The following RNF128 variants were observed in gnomAD, a reference collection of about 807,000 sequenced individuals.
The protein encoded by RNF128 is ring finger protein 128.
Under a neutral mutation model 26.2 loss-of-function variants are expected in RNF128, and 13 were observed. The ratio of observed to expected loss-of-function variants is 0.50; its 90% confidence interval spans 0.32 to 0.79. The LOEUF is 0.79. RNF128 is among the 30% of genes least tolerant of loss of function. The probability of loss-of-function intolerance (pLI) is 0.03; values close to 1 mark genes in which losing one functional copy is unlikely to be tolerated. For missense variants in RNF128, 315 were observed against 349.7 expected (o/e 0.90, Z 0.79); for synonymous variants, 149 against 142.5 (o/e 1.05, Z -0.32).
intron 1 of RNF128, among the ~76,000 whole-genome samples, chrX:106,707,547 A>C (rs989619641): frequency 9.0e-6 from 1 of 110,771 alleles, no homozygotes; most frequent in Non-Finnish European, 1.9e-5. Flanking sequence ...TTATTTTTTA[A>C]ATTTTCTTTT....
intron 1 of RNF128, among the ~76,000 whole-genome samples, chrX:106,712,882 CTTT>C (rs770554444): frequency 1.1e-5 from 1 of 95,142 alleles, no homozygotes. Flanking sequence ...GATAAAGTTA[CTTT>C]TTTTTTTTTT....
chrX:106,738,160 A>G (rs977432581), intron 1 of RNF128, among the ~76,000 whole-genome samples: 1 of 111,891 alleles, frequency 8.9e-6, no homozygotes, highest in African/African-American at 3.2e-5. Flanking sequence ...TCCTTGAGTC[A>G]GACAGCTTGA....
chrX:106,728,130 A>G (rs1159307210), intron 1 of RNF128, among the ~76,000 whole-genome samples: 4 of 111,929 alleles, frequency 3.6e-5, no homozygotes, highest in Non-Finnish European at 7.5e-5. Context: ...TGGAGATGGT[A>G]TGAGGTTACT....
intron 1 of RNF128, among the ~76,000 whole-genome samples, chrX:106,717,365 C>CT (rs1439734707): frequency 9.0e-6 from 1 of 111,426 alleles, no homozygotes; most frequent in Non-Finnish European, 1.9e-5. Flanking sequence ...TTACAATAAT[C>CT]TAAAAAAAAT....
At chrX:106,721,022 C>T (rs1929301578) in intron 1 of RNF128, among the ~76,000 whole-genome samples, 1 of 111,834 alleles carries the variant, frequency 8.9e-6, no homozygotes, top group African/African-American at 3.3e-5. Context: ...AAAAGAATCC[C>T]TGTTTCCTAA....
intron 2 of RNF128, among the ~76,000 whole-genome samples, chrX:106,783,549 C>A (rs1930600444): frequency 9.0e-6 from 1 of 111,116 alleles, no homozygotes; most frequent in Non-Finnish European, 1.9e-5. Context: ...GGTCTGGGGG[C>A]CTACTTTTTG....
Position 106,788,417 on chromosome X carries a change from TA to T in RNF128, c.887+419del, listed in dbSNP as rs1930717925. 1.0e-4 allele frequency among the ~76,000 whole-genome samples: 5 copies of T among 47,846 alleles called. No individual in the cohort carries two copies. In the Admixed American group the frequency reaches 1.6e-3, roughly 16 times the overall value. The allele number at this position is 47,846 out of a possible 115,157, so 41.5% of individuals were successfully genotyped here. On this transcript the variant is annotated intron_variant, in intron 4 of 6. Coordinates refer to ENST00000255499, the MANE Select transcript of RNF128 (RefSeq NM_194463.2). ...TATATTATATATAATATATAATATATAATATATATTATATATAATATTATTA... is the reference window on the plus strand; with the variant it reads ...TATATTATATATAATATATAATATATATATATATTATATATAATATTATTA...
intron 1 of RNF128, among the ~76,000 whole-genome samples, chrX:106,748,287 G>A (rs1032257793): frequency 8.9e-6 from 1 of 112,138 alleles, no homozygotes; most frequent in Non-Finnish European, 1.9e-5. Context: ...TTTACAGACT[G>A]TGGTAAAACT....
At chrX:106,787,756 A>G (rs1403450963) in intron 3 of RNF128, among the ~76,000 whole-genome samples, 162 bp from the exon 4 acceptor site, 2 of 110,977 alleles carry the variant, frequency 1.8e-5, no homozygotes, top group Non-Finnish European at 3.8e-5. Flanking sequence ...ATACTTTTAA[A>G]TCACCTTTGG....
At chrX:106,749,982 A>G (rs1929853764) in intron 1 of RNF128, among the ~76,000 whole-genome samples, 1 of 112,303 alleles carries the variant, frequency 8.9e-6, no homozygotes, top group Non-Finnish European at 1.9e-5. Context: ...TTTGAATTGT[A>G]TTTAGTTGTA....
At chrX:106,710,929 G>A (rs1929117227) in intron 1 of RNF128, among the ~76,000 whole-genome samples, 1 of 111,230 alleles carries the variant, frequency 9.0e-6, no homozygotes, top group Non-Finnish European at 1.9e-5. Flanking sequence ...ACTAAAATGT[G>A]ATTTATATGT....
chrX:106,765,613 G>C (rs1244968663), intron 1 of RNF128, among the ~76,000 whole-genome samples: 1 of 111,757 alleles, frequency 8.9e-6, no homozygotes, highest in Non-Finnish European at 1.9e-5. Context: ...ACTCATATTG[G>C]AAGAAGATAC....
chrX:106,720,395 G>T (rs1473762733), intron 1 of RNF128, among the ~76,000 whole-genome samples: 1 of 111,008 alleles, frequency 9.0e-6, no homozygotes, highest in Admixed American at 9.7e-5. Flanking sequence ...TTTATGTTTT[G>T]TAGAGACAGG....
intron 1 of RNF128, among the ~76,000 whole-genome samples, chrX:106,711,931 G>T (rs1294358993): frequency 7.2e-5 from 8 of 111,876 alleles, no homozygotes; most frequent in African/African-American, 9.7e-5. Context: ...TTGAAGATGG[G>T]AATAAATTCC....
intron 1 of RNF128, among the ~76,000 whole-genome samples, chrX:106,721,083 G>A (rs1266596630): frequency 2.7e-5 from 3 of 112,145 alleles, no homozygotes; most frequent in Non-Finnish European, 5.6e-5. Context: ...ATTTGCAAGT[G>A]ACATTATGTT....
chrX:106,763,885 T>C (rs73531118), intron 1 of RNF128, among the ~76,000 whole-genome samples: 19,504 of 111,514 alleles, frequency 0.17, 4,198 homozygotes, highest in African/African-American at 0.61. Flanking sequence ...ACAGCATTGT[T>C]GCTAAGATGT....
chrX:106,703,650 G>A lies in RNF128; in HGVS notation c.406+9242G>A, dbSNP rs894411618. Among the ~76,000 whole-genome samples, 10 of 111,311 alleles carry A rather than the reference G, an allele frequency of 9.0e-5. No individual in the cohort carries two copies. The East Asian group carries it at 1.1e-3, about 13-fold the overall frequency. The stretch of plus-strand genomic sequence containing the variant: ...ATGTAGTCAGGGGACTAATATTTAC[G>A]CAAGTCATAAAAGGCAGACTAGAAA... On this transcript the variant is annotated intron_variant, in intron 1 of 6. Coordinates refer to the RNF128 transcript ENST00000324342.
chrX:106,795,846 T>C lies in RNF128; in HGVS notation c.*133T>C, dbSNP rs1427341980. Reference sequence around the variant, plus strand: ...GAAAGTGCTCAGATGACTAATATTATGCTATAGTTAAATGGCTTAAAATAT... The same window carrying C: ...GAAAGTGCTCAGATGACTAATATTACGCTATAGTTAAATGGCTTAAAATAT... On this transcript the variant is annotated 3_prime_UTR_variant, in exon 7 of 7. Transcript: ENST00000255499. 1 of 474,046 alleles carries C rather than the reference T, an allele frequency of 2.1e-6. No individual in the cohort carries two copies. Among genetic ancestry groups the C allele is most frequent in the East Asian group, 4.4e-5 (1 of 22,969 alleles). The allele number at this position is 474,046 out of a possible 1,213,427, so 39.1% of individuals were successfully genotyped here.
intron 1 of RNF128, among the ~76,000 whole-genome samples, chrX:106,735,975 G>A (rs1402954351): frequency 2.8e-5 from 3 of 106,318 alleles, no homozygotes; most frequent in Non-Finnish European, 5.8e-5. Context: ...TTTTTTTCCC[G>A]TAAGAGGCCT....
Sources: allele counts gnomAD v4.1 joint callset (sites outside exome capture counted in the v4.1 genomes callset), GRCh38; gene constraint gnomAD v4.1.1; transcripts MANE v1.5; gene names NCBI Gene and HGNC (gene_info 2026-07-23, HGNC 2026-07-21).